ALCAM: variants seen among roughly 807,000 people sequenced by gnomAD.
ALCAM encodes the protein activated leukocyte cell adhesion molecule, also known as CD166 antigen.
ALCAM carries 30 observed loss-of-function variants against 70.9 expected under a neutral mutation model. The observed-to-expected ratio is 0.42, with a 90% CI of 0.32 to 0.57. ALCAM has a LOEUF of 0.57. ALCAM is among the 20% of genes least tolerant of loss of function. ALCAM has a pLI of 0.11. For synonymous variants in ALCAM, 249 were observed against 242.5 expected (o/e 1.03, Z -0.25); for missense variants, 591 against 695.1 (o/e 0.85, Z 1.68).
chr3:105,515,453 A>G (rs1208419951), intron 1 of ALCAM, among the ~76,000 whole-genome samples: 1 of 152,024 alleles, frequency 6.6e-6, no homozygotes, highest in East Asian at 1.9e-4. Context: ...TATTTTTCCA[A>G]AAATTCCTTT....
intron 1 of ALCAM, among the ~76,000 whole-genome samples, chr3:105,455,243 C>A (rs1937519492): frequency 6.6e-6 from 1 of 151,404 alleles, no homozygotes; most frequent in South Asian, 2.1e-4. Context: ...AGATCCAGAC[C>A]ATCCTGGCTA....
intron 1 of ALCAM, among the ~76,000 whole-genome samples, chr3:105,423,958 G>T (rs1328212853): frequency 6.6e-6 from 1 of 151,464 alleles, no homozygotes; most frequent in Non-Finnish European, 1.5e-5. Context: ...TGTTTTTAAT[G>T]TATATTTTCA....
intron 1 of ALCAM, among the ~76,000 whole-genome samples, chr3:105,408,929 C>A (rs532533681): frequency 3.9e-5 from 6 of 152,132 alleles, no homozygotes; most frequent in Non-Finnish European, 5.9e-5. Context: ...TACAATTGAC[C>A]AATGAGCATA....
intron 1 of ALCAM, among the ~76,000 whole-genome samples, chr3:105,490,646 C>G (rs58999138): frequency 0.013 from 2,000 of 152,154 alleles, 34 homozygotes; most frequent in African/African-American, 0.044. Flanking sequence ...ATTCTCTTGC[C>G]CCATGCAAGT....
intron 1 of ALCAM, among the ~76,000 whole-genome samples, chr3:105,511,224 A>C (rs1336589468): frequency 6.6e-6 from 1 of 152,062 alleles, no homozygotes; most frequent in East Asian, 1.9e-4. Flanking sequence ...CATTGTGGGC[A>C]AGCTACAATG....
intron 1 of ALCAM, among the ~76,000 whole-genome samples, chr3:105,467,921 A>G (rs1229478153): frequency 6.6e-6 from 1 of 151,214 alleles, no homozygotes; most frequent in South Asian, 2.1e-4. Flanking sequence ...CATGTTCAGT[A>G]TTTCAGTTTT....
At chr3:105,388,848 A>G (rs1935723602) in intron 1 of ALCAM, among the ~76,000 whole-genome samples, 1 of 151,594 alleles carries the variant, frequency 6.6e-6, no homozygotes, top group African/African-American at 2.4e-5. Flanking sequence ...AAACTATGAG[A>G]TTTTACAATC....
intron 14 of ALCAM, among the ~76,000 whole-genome samples, chr3:105,566,388 T>C (rs1940743925): frequency 6.6e-6 from 1 of 152,224 alleles, no homozygotes; most frequent in Non-Finnish European, 1.5e-5. Context: ...TAGGTGCATA[T>C]ACTTACAATT....
chr3:105,417,115 A>G (rs904385326), intron 1 of ALCAM, among the ~76,000 whole-genome samples: 1 of 151,686 alleles, frequency 6.6e-6, no homozygotes, highest in Non-Finnish European at 1.5e-5. Context: ...CCTTATTTTC[A>G]AAAATGTCTC....
At chr3:105,406,582 T>C (rs1034827139) in intron 1 of ALCAM, among the ~76,000 whole-genome samples, 9 of 152,032 alleles carry the variant, frequency 5.9e-5, no homozygotes, top group African/African-American at 2.2e-4. Flanking sequence ...AATGCCTACA[T>C]TGGAAAGTTT....
chr3:105,450,642 G>A (rs60681106), intron 1 of ALCAM, among the ~76,000 whole-genome samples: 1 of 152,240 alleles, frequency 6.6e-6, no homozygotes, highest in African/African-American at 2.4e-5. Context: ...AATTTGCCAT[G>A]CACAACTTTA....
At chr3:105,559,282 A>G (rs1392419779) in intron 14 of ALCAM, among the ~76,000 whole-genome samples, 1 of 146,192 alleles carries the variant, frequency 6.8e-6, no homozygotes, top group African/African-American at 2.5e-5. Flanking sequence ...ATATACACAT[A>G]TATAATATAT....
intron 1 of ALCAM, among the ~76,000 whole-genome samples, chr3:105,434,794 G>A (rs566442000): frequency 1.2e-4 from 19 of 152,184 alleles, no homozygotes; most frequent in African/African-American, 4.1e-4. Context: ...TGAAATCATT[G>A]TTTAAATGAG....
At chr3:105,436,028 A>T (rs1937041409) in intron 1 of ALCAM, among the ~76,000 whole-genome samples, 1 of 152,160 alleles carries the variant, frequency 6.6e-6, no homozygotes. Context: ...GCAGGCAAAG[A>T]GAGAGCTTGT....
chr3:105,556,289 G>A (rs148515798), intron 14 of ALCAM, among the ~76,000 whole-genome samples: 3 of 152,106 alleles, frequency 2.0e-5, no homozygotes, highest in Non-Finnish European at 4.4e-5. Flanking sequence ...TTCAAGGTTG[G>A]TTGTATTTAA....
At chr3:105,546,911 A>G (rs948091575) in intron 9 of ALCAM, among the ~76,000 whole-genome samples, 1 of 151,450 alleles carries the variant, frequency 6.6e-6, no homozygotes, top group Non-Finnish European at 1.5e-5. Flanking sequence ...TTGGAATAGA[A>G]CGCTTTCCAA....
intron 12 of ALCAM, among the ~76,000 whole-genome samples, chr3:105,550,751 A>C (rs1559653256): frequency 1.3e-5 from 2 of 151,614 alleles, no homozygotes; most frequent in Non-Finnish European, 3.0e-5. Context: ...GAGTGATTTT[A>C]GAATTCATGA....
rs1335738780 is a variant in ALCAM, at chr3:105,388,981, TTGTC to T, written c.73+21504_73+21507del. On this transcript the variant is annotated intron_variant, in intron 1 of 15. Coordinates refer to ENST00000306107, the MANE Select transcript of ALCAM (RefSeq NM_001627.4). ...AAGTAAAATCTGTAAGCCAATTTCT[TTGTC>T]TGTAAAATGAGGAGAATAATAGTAT... is the stretch of plus-strand genomic sequence containing the variant. Among the ~76,000 whole-genome samples the T allele has an allele frequency of 4.6e-5, 7 of 151,704 alleles. No individual in the cohort carries two copies. In the South Asian group the frequency reaches 6.2e-4, roughly 13 times the overall value.
At chr3:105,509,147 C>A (rs761070892) in intron 1 of ALCAM, among the ~76,000 whole-genome samples, 28 of 152,094 alleles carry the variant, frequency 1.8e-4, no homozygotes, top group Admixed American at 9.8e-4. Context: ...GTGTCCATAT[C>A]TTGGCTATTG....
Sources: gnomAD v4.1 joint callset for allele counts (sites outside exome capture counted in the v4.1 genomes callset) on GRCh38, gnomAD v4.1.1 for gene constraint, MANE v1.5 for transcripts, NCBI Gene and HGNC (gene_info 2026-07-23, HGNC 2026-07-21) for gene names.